Variants in MYO16 observed in about 807,000 individuals in gnomAD.
MYO16 encodes the protein unconventional myosin-XVI.
A neutral mutation model predicts 205.3 loss-of-function variants in MYO16; 94 were observed. The observed-to-expected ratio is 0.46, with a 90% CI of 0.39 to 0.54. The LOEUF is 0.54. Ranked by LOEUF, MYO16 falls within the 20% of genes least tolerant of loss-of-function variation. MYO16 has a pLI of 0.00. For synonymous variants in MYO16, 988 were observed against 954.0 expected, an observed-to-expected ratio of 1.04 and a Z score of -0.66; for missense variants, 2,315 against 2,387.5, an observed-to-expected ratio of 0.97 and a Z score of 0.63.
At chr13:109,185,158 G>A (rs1192926629) in intron 34 of MYO16, among the ~76,000 whole-genome samples, 1 of 152,148 alleles carries the variant, frequency 6.6e-6, no homozygotes, top group African/African-American at 2.4e-5. Context: ...CAATATTATT[G>A]TATAGTGGAG....
chr13:108,935,928 A>G (rs1882458136), intron 16 of MYO16, among the ~76,000 whole-genome samples: 1 of 151,990 alleles, frequency 6.6e-6, no homozygotes, highest in Admixed American at 6.5e-5. Context: ...GTGGTGAGCC[A>G]CATTTATTGA....
intron 3 of MYO16, among the ~76,000 whole-genome samples, chr13:108,721,065 C>T (rs997420143): frequency 1.3e-5 from 2 of 152,094 alleles, no homozygotes; most frequent in African/African-American, 4.8e-5. Flanking sequence ...CTATGATTTT[C>T]AGTACTTTCA....
chr13:108,547,226 C>G, the MYO16 span, among the ~76,000 whole-genome samples: 1 of 148,646 alleles, frequency 6.7e-6, no homozygotes, highest in Non-Finnish European at 1.5e-5. Flanking sequence ...GAGCTGAGAT[C>G]GTGCCACTGC....
At chr13:108,985,883 T>G (rs185739850) in intron 20 of MYO16, among the ~76,000 whole-genome samples, 2 of 152,226 alleles carry the variant, frequency 1.3e-5, no homozygotes, top group Admixed American at 1.3e-4. Context: ...TACTGTTTTA[T>G]TGACGTATGT....
upstream of MYO16, among the ~76,000 whole-genome samples, chr13:108,627,884 G>A (rs1022378300): frequency 6.6e-6 from 1 of 151,994 alleles, no homozygotes; most frequent in African/African-American, 2.4e-5. Flanking sequence ...AGACATTTAA[G>A]GAAGGTATAT....
intron 2 of MYO16, among the ~76,000 whole-genome samples, chr13:108,690,393 CG>C (rs1882849273): frequency 2.3e-5 from 1 of 43,192 alleles, no homozygotes; most frequent in Non-Finnish European, 4.0e-5. Context: ...CTTGGTCTTG[CG>C]GTACTCAACG....
intron 7 of MYO16, among the ~76,000 whole-genome samples, chr13:108,818,967 A>G (rs1566349221): frequency 6.6e-6 from 1 of 152,234 alleles, no homozygotes; most frequent in Non-Finnish European, 1.5e-5. Flanking sequence ...TAATAAAGCT[A>G]TTAAGTAGAA....
In MYO16 at chr13:108,629,638, G is replaced by A; in HGVS notation, c.-207G>A. Reference sequence around the variant, plus strand: ...CAGTGGTGCCTCAAGACCCACCGGGGAGAGGCTTATCTTAACTCCAGCTGC... The same window carrying A: ...CAGTGGTGCCTCAAGACCCACCGGGAAGAGGCTTATCTTAACTCCAGCTGC... On this transcript the variant is annotated 5_prime_UTR_variant, in exon 1 of 35. Coordinates refer to ENST00000457511, the MANE Select transcript of MYO16 (RefSeq NM_001198950.3). 1.9e-6 allele frequency: 1 copy of A among 518,774 alleles called. No homozygotes were observed. Among genetic ancestry groups the A allele is most frequent in the Non-Finnish European group, 3.5e-6 (1 of 287,530 alleles). The allele number at this position is 518,774 out of a possible 1,614,324, so 32.1% of individuals were successfully genotyped here.
chr13:108,945,478 A>G (rs1031085534), intron 16 of MYO16, among the ~76,000 whole-genome samples: 3 of 152,192 alleles, frequency 2.0e-5, no homozygotes, highest in African/African-American at 7.2e-5. Flanking sequence ...ATCCTTGACT[A>G]GAAATTATTT....
chr13:108,543,114 G>A, the MYO16 span, among the ~76,000 whole-genome samples: 2 of 151,836 alleles, frequency 1.3e-5, no homozygotes, highest in African/African-American at 2.4e-5. Flanking sequence ...CAAGTCTTTC[G>A]CTAAAGAAAG....
chr13:109,184,926 G>T (rs1308595593), intron 34 of MYO16, among the ~76,000 whole-genome samples: 1 of 152,260 alleles, frequency 6.6e-6, no homozygotes, highest in African/African-American at 2.4e-5. Context: ...ATGCCATCAT[G>T]CTCGGCTAAT....
At chr13:108,796,661 G>T (rs1010024400) in intron 6 of MYO16, among the ~76,000 whole-genome samples, 1 of 151,464 alleles carries the variant, frequency 6.6e-6, no homozygotes, top group Non-Finnish European at 1.5e-5. Flanking sequence ...GCAAACTATC[G>T]CAAGGACAAA....
In MYO16 at chr13:108,918,854, G is replaced by A. The variant is rs183901413; in HGVS notation, c.1925+8704G>A. Among the ~76,000 whole-genome samples, 12 of 151,972 alleles carry A rather than the reference G, an allele frequency of 7.9e-5. No individual in the cohort carries two copies. The East Asian group carries it at 1.7e-3, about 22-fold the overall frequency. ...CTTGGGAGGCTGAGGCAAGAGAATC[G>A]CGGGAACCTGGGAGGAGGTGGGGGT... On this transcript the variant is annotated intron_variant, in intron 16 of 34. Transcript: ENST00000457511.
At chr13:108,916,745 C>T (rs1289547053) in intron 16 of MYO16, among the ~76,000 whole-genome samples, 1 of 152,186 alleles carries the variant, frequency 6.6e-6, no homozygotes, top group Non-Finnish European at 1.5e-5. Context: ...GGAATTGGGT[C>T]AGTGGCTTCC....
At chr13:108,510,936 G>A in the MYO16 span, among the ~76,000 whole-genome samples, 1 of 23,122 alleles carries the variant, frequency 4.3e-5, no homozygotes, top group Non-Finnish European at 8.9e-5. Flanking sequence ...ATAAACATAC[G>A]TGTGCATGTG....
intron 2 of MYO16, among the ~76,000 whole-genome samples, chr13:108,675,431 C>A (rs1026804357): frequency 2.0e-5 from 3 of 152,118 alleles, no homozygotes; most frequent in Admixed American, 2.0e-4. Context: ...CATTTAAATT[C>A]TGAAGGATCC....
intron 11 of MYO16, among the ~76,000 whole-genome samples, chr13:108,864,200 G>A (rs1878593942): frequency 6.6e-6 from 1 of 151,932 alleles, no homozygotes. Context: ...TATAATTGAT[G>A]TAATTTTTTA....
chr13:108,615,038 A>G (rs1261903833), intron 1 of MYO16, among the ~76,000 whole-genome samples: 1 of 152,106 alleles, frequency 6.6e-6, no homozygotes, highest in Non-Finnish European at 1.5e-5. Context: ...AATGGGAGAA[A>G]ACATTCAAAA....
chr13:108,719,428 A>G (rs1278427113), intron 3 of MYO16, among the ~76,000 whole-genome samples: 7 of 151,940 alleles, frequency 4.6e-5, no homozygotes, highest in African/African-American at 1.7e-4. Context: ...TTCCTCCTCA[A>G]TATCACTCAG....
Sources: allele counts gnomAD v4.1 joint callset (sites outside exome capture counted in the v4.1 genomes callset), GRCh38; gene constraint gnomAD v4.1.1; transcripts MANE v1.5; gene names NCBI Gene and HGNC (gene_info 2026-07-23, HGNC 2026-07-21).